LHFPL3: variants seen among roughly 807,000 people sequenced by gnomAD.
The protein encoded by LHFPL3 is LHFPL tetraspan subfamily member 3 protein.
LHFPL3 carries 5 observed loss-of-function variants against 19.3 expected under a neutral mutation model. That is an observed-to-expected ratio of 0.26 (90% confidence interval 0.14 to 0.54). The LOEUF (loss-of-function observed/expected upper bound fraction) is 0.54, where lower values mean the gene tolerates loss of function less well. Ranked by LOEUF, LHFPL3 falls within the 20% of genes least tolerant of loss-of-function variation. LHFPL3 has a pLI of 0.94. For missense variants in LHFPL3, 249 were observed against 307.4 expected, an observed-to-expected ratio of 0.81 and a Z score of 1.42; for synonymous variants, 133 against 126.2, an observed-to-expected ratio of 1.05 and a Z score of -0.36.
At chr7:104,570,834 A>T (rs190533222) in intron 1 of LHFPL3, among the ~76,000 whole-genome samples, 2 of 152,154 alleles carry the variant, frequency 1.3e-5, no homozygotes, top group Non-Finnish European at 2.9e-5. Flanking sequence ...CTTCTCCCCA[A>T]TAGGCCGTAC....
intron 1 of LHFPL3, among the ~76,000 whole-genome samples, chr7:104,430,267 C>A (rs545514715): frequency 6.8e-6 from 1 of 147,324 alleles, no homozygotes; most frequent in South Asian, 2.2e-4. Flanking sequence ...AAGTATGGAC[C>A]AAGACAAGGA....
chr7:104,466,156 T>C (rs1344325411), intron 1 of LHFPL3, among the ~76,000 whole-genome samples: 1 of 152,208 alleles, frequency 6.6e-6, no homozygotes, highest in African/African-American at 2.4e-5. Context: ...TAATACTTAA[T>C]AATACTTTTA....
chr7:104,744,782 G>A (rs889153198), intron 2 of LHFPL3, among the ~76,000 whole-genome samples: 1 of 152,128 alleles, frequency 6.6e-6, no homozygotes, highest in Non-Finnish European at 1.5e-5. Context: ...CCTCTCTTCA[G>A]TTGGCTTCCG....
chr7:104,540,930 C>T lies in LHFPL3; in HGVS notation c.446-195745C>T, dbSNP rs910322441. 5.9e-5 allele frequency among the ~76,000 whole-genome samples: 9 copies of T among 152,156 alleles called. No individual in the cohort carries two copies. The East Asian group carries it at 7.7e-4, about 13-fold the overall frequency. The stretch of plus-strand genomic sequence containing the variant: ...CTGTTGCCTAGGTTACTAAATGCAA[C>T]GAACTCTGCCAGCATTTTTTCTCAT... On this transcript the variant is annotated intron_variant, in intron 1 of 2. Transcript: ENST00000424859.
At chr7:104,673,604 C>T (rs1021860103) in intron 1 of LHFPL3, among the ~76,000 whole-genome samples, 4 of 152,148 alleles carry the variant, frequency 2.6e-5, no homozygotes, top group African/African-American at 9.7e-5. Context: ...GATGGGGAAG[C>T]TTTGTTTCTC....
chr7:104,620,094 G>A lies in LHFPL3; in HGVS notation c.446-116581G>A, dbSNP rs559069401. ...CTGCTGTGCTGCCTGGTTCTGATAC[G>A]GGTCTGTGACCTGGGGATTGGGTAC... On this transcript the variant is annotated intron_variant, in intron 1 of 2. Transcript: ENST00000424859. Among the ~76,000 whole-genome samples the A allele has an allele frequency of 3.9e-5, 6 of 152,220 alleles. No homozygotes were observed. The South Asian group carries it at 1.2e-3, about 32-fold the overall frequency.
intron 1 of LHFPL3, among the ~76,000 whole-genome samples, chr7:104,657,667 C>A (rs1319585079): frequency 6.6e-6 from 1 of 152,070 alleles, no homozygotes; most frequent in East Asian, 1.9e-4. Context: ...AATCCCACAT[C>A]CTTTGCAGTC....
intron 1 of LHFPL3, among the ~76,000 whole-genome samples, chr7:104,621,705 G>T (rs1012982260): frequency 2.0e-5 from 3 of 152,200 alleles, no homozygotes; most frequent in Admixed American, 1.3e-4. Flanking sequence ...TCTGTAGCCA[G>T]GAGAGGAGTT....
chr7:104,565,330 G>T (rs1388217661), intron 1 of LHFPL3, among the ~76,000 whole-genome samples: 5 of 152,162 alleles, frequency 3.3e-5, no homozygotes, highest in Middle Eastern at 3.2e-3. Context: ...AGAAAGTTCT[G>T]TGCTTTAAAT....
chr7:104,856,374 C>A (rs909215720), intron 2 of LHFPL3, among the ~76,000 whole-genome samples: 2 of 151,388 alleles, frequency 1.3e-5, no homozygotes, highest in Non-Finnish European at 2.9e-5. Flanking sequence ...CTCAGCCTCC[C>A]GAGTAGCCGG....
chr7:104,631,635 A>G (rs1791643685), intron 1 of LHFPL3, among the ~76,000 whole-genome samples: 1 of 152,188 alleles, frequency 6.6e-6, no homozygotes, highest in Admixed American at 6.5e-5. Context: ...CAGAACAAGG[A>G]ATATGTTGGC....
At chr7:104,867,159 T>G (rs1333535368) in intron 2 of LHFPL3, among the ~76,000 whole-genome samples, 1 of 151,922 alleles carries the variant, frequency 6.6e-6, no homozygotes, top group Non-Finnish European at 1.5e-5. Flanking sequence ...ACATCACAAT[T>G]AAAAGAACTA....
chr7:104,836,046 C>G (rs1194306324), intron 2 of LHFPL3, among the ~76,000 whole-genome samples: 2 of 151,562 alleles, frequency 1.3e-5, no homozygotes, highest in Non-Finnish European at 2.9e-5. Flanking sequence ...AAGTAGCTAC[C>G]CTTGGTTGTA....
intron 1 of LHFPL3, among the ~76,000 whole-genome samples, chr7:104,402,158 CTG>C: frequency 6.6e-6 from 1 of 151,664 alleles, no homozygotes; most frequent in East Asian, 1.9e-4. Flanking sequence ...TTTTGGATGA[CTG>C]TGTATTTACT....
At chr7:104,502,350 G>C (rs1793611033) in intron 1 of LHFPL3, among the ~76,000 whole-genome samples, 1 of 152,128 alleles carries the variant, frequency 6.6e-6, no homozygotes, top group Non-Finnish European at 1.5e-5. Flanking sequence ...ACTGTTGAGT[G>C]CTTCAGTTTA....
intron 2 of LHFPL3, among the ~76,000 whole-genome samples, chr7:104,828,603 G>A (rs1309444253): frequency 6.6e-6 from 1 of 152,018 alleles, no homozygotes; most frequent in Non-Finnish European, 1.5e-5. Context: ...AGGCAGCAAA[G>A]CCCTCTTAGG....
At chr7:104,595,344 C>T (rs538678063) in intron 1 of LHFPL3, among the ~76,000 whole-genome samples, 3 of 152,230 alleles carry the variant, frequency 2.0e-5, no homozygotes, top group South Asian at 4.2e-4. Context: ...CACTCCAGAC[C>T]CTGTTTGCCT....
chr7:104,401,380 A>G (rs1791309691), intron 1 of LHFPL3, among the ~76,000 whole-genome samples: 1 of 152,212 alleles, frequency 6.6e-6, no homozygotes, highest in South Asian at 2.1e-4. Flanking sequence ...GAAATTTTTA[A>G]AAAAGTATTT....
intron 1 of LHFPL3, among the ~76,000 whole-genome samples, chr7:104,485,871 G>A (rs990838119): frequency 4.6e-5 from 7 of 152,104 alleles, no homozygotes; most frequent in African/African-American, 1.7e-4. Flanking sequence ...GAGAACATGA[G>A]GTGTTTGGTT....
Sources: gnomAD v4.1 joint callset for allele counts (sites outside exome capture counted in the v4.1 genomes callset) on GRCh38, gnomAD v4.1.1 for gene constraint, MANE v1.5 for transcripts, NCBI Gene and HGNC (gene_info 2026-07-23, HGNC 2026-07-21) for gene names.